Variants in PTK2B observed in about 807,000 individuals in gnomAD.
PTK2B encodes the protein protein tyrosine kinase 2 beta, also known as protein-tyrosine kinase 2-beta.
PTK2B carries 71 observed loss-of-function variants against 142.9 expected under a neutral mutation model. The observed-to-expected ratio is 0.50, with a 90% confidence interval of 0.41 to 0.61. The LOEUF (loss-of-function observed/expected upper bound fraction) is 0.61. PTK2B is among the 20% of genes least tolerant of loss of function. PTK2B has a pLI of 0.00. For missense variants in PTK2B, 1,105 were observed against 1,320.4 expected (o/e 0.84, Z 2.53); for synonymous variants, 519 against 503.4 (o/e 1.03, Z -0.42).
At chr8:27,371,747 CA>C (rs1353124032) in intron 1 of PTK2B, among the ~76,000 whole-genome samples, 1 of 152,128 alleles carries the variant, frequency 6.6e-6, no homozygotes, top group Admixed American at 6.5e-5. Context: ...AGGATTTCAC[CA>C]TGTTGGCCAG....
intron 13 of PTK2B, 59 bp downstream of exon 13, chr8:27,434,618 A>T: frequency 6.5e-7 from 1 of 1,539,214 alleles, no homozygotes; most frequent in Non-Finnish European, 8.8e-7. Context: ...CTTGCTCCCC[A>T]CTGCTTGCTC....
At chr8:27,451,717 T>C (rs1563303637) in intron 27 of PTK2B, 3 of 1,412,088 alleles carry the variant, frequency 2.1e-6, no homozygotes, top group Non-Finnish European at 2.8e-6. Context: ...CACCCTGCCC[T>C]TCTCTCTCTC....
intron 1 of PTK2B, among the ~76,000 whole-genome samples, chr8:27,391,167 G>A (rs1172431098): frequency 1.3e-5 from 2 of 151,472 alleles, no homozygotes; most frequent in Non-Finnish European, 2.9e-5. Flanking sequence ...TGCAATCTCG[G>A]CTCACTGCAA....
At chr8:27,310,717 G>A (rs1350312898), upstream of PTK2B, 2 of 1,429,540 alleles carry the variant, frequency 1.4e-6, no homozygotes, top group African/African-American at 1.4e-5. Context: ...GGCTCTGGCA[G>A]GCAGGAGGGG....
chr8:27,397,851 AGC>A (rs1808159026), intron 2 of PTK2B, 63 bp downstream of exon 2: 1 of 1,547,842 alleles, frequency 6.5e-7, no homozygotes, highest in Non-Finnish European at 8.9e-7. Context: ...TGGGCAGCTG[AGC>A]AGCTCTCCTG....
chr8:27,415,107 C>T (rs1403898022), intron 2 of PTK2B, among the ~76,000 whole-genome samples: 1 of 152,118 alleles, frequency 6.6e-6, no homozygotes, highest in African/African-American at 2.4e-5. Context: ...TTAGTATTTA[C>T]CTTGGGCCAA....
intron 1 of PTK2B, among the ~76,000 whole-genome samples, chr8:27,344,700 A>G (rs1804612115): frequency 6.6e-6 from 1 of 152,112 alleles, no homozygotes; most frequent in Non-Finnish European, 1.5e-5. Flanking sequence ...TGGTCTGTCT[A>G]CACCAGGTGT....
chr8:27,389,678 AC>A (rs1807591591), intron 1 of PTK2B, among the ~76,000 whole-genome samples: 1 of 152,214 alleles, frequency 6.6e-6, no homozygotes, highest in South Asian at 2.1e-4. Flanking sequence ...GTTTTGTATT[AC>A]ATTCAATTAT....
intron 1 of PTK2B, among the ~76,000 whole-genome samples, chr8:27,359,790 T>C (rs946375069): frequency 5.3e-5 from 8 of 152,288 alleles, no homozygotes; most frequent in Non-Finnish European, 1.2e-4. Flanking sequence ...GAGGTCAAGC[T>C]TCTTCATGCC....
In PTK2B at chr8:27,450,868, G is replaced by A. The variant is rs1312326455; in HGVS notation, c.2460G>A (p.Gln820=). The A allele has an allele frequency of 6.2e-7, 1 of 1,614,220 alleles. No individual in the cohort carries two copies. The highest frequency in any genetic ancestry group is 1.1e-5 in the South Asian group (1 of 91,082). Residue 820 remains glutamine (Q), a synonymous_variant, in exon 25 of 31, where the codon CAG becomes CAA. Transcript: ENST00000346049. The part of the protein sequence containing the change: ...KQQKQMVEDY[Q]WLRQEEKSLD... ...AGAAGCAGATGGTGGAGGACTACCAGTGGCTCAGGCAGGAGGAGAAGTCCC... is the reference window on the plus strand; with the variant it reads ...AGAAGCAGATGGTGGAGGACTACCAATGGCTCAGGCAGGAGGAGAAGTCCC...
At chr8:27,370,261 C>A (rs1806270782) in intron 1 of PTK2B, among the ~76,000 whole-genome samples, 1 of 152,134 alleles carries the variant, frequency 6.6e-6, no homozygotes, top group Admixed American at 6.6e-5. Context: ...TGTGCACTAC[C>A]CAGTGGATTT....
rs1810393736 is a variant in PTK2B at position 27,431,155 on chromosome 8, G to C, written c.810+139G>C. On this transcript the variant is annotated intron_variant, in intron 8 of 30. Coordinates refer to ENST00000346049, the MANE Select transcript of PTK2B (RefSeq NM_173176.3). ...GCAGGACCTCGCTGACCTGCCGTCG[G>C]TGGAAGTCAAAAGCATCCCCTTGCC... 4.0e-6 allele frequency: 6 copies of C among 1,483,772 alleles called. 1 individual carries two copies. The highest frequency in any genetic ancestry group is 1.4e-5 in the African/African-American group (1 of 71,430). 91.9% of individuals were successfully genotyped at this position (1,483,772 alleles called of 1,614,324 possible).
At chr8:27,432,556 C>T (rs1457028499) in intron 10 of PTK2B, among the ~76,000 whole-genome samples, 195 bp downstream of exon 10, 3 of 152,070 alleles carry the variant, frequency 2.0e-5, no homozygotes, top group Middle Eastern at 3.4e-3. Context: ...TAGGAAAATT[C>T]GGGAAACAAT....
chr8:27,436,158 G>A, intron 14 of PTK2B, 93 bp from the exon 15 acceptor site: 2 of 1,203,326 alleles, frequency 1.7e-6, no homozygotes, highest in Non-Finnish European at 2.4e-6. Context: ...TATAGATCTG[G>A]TGACGCCTGG....
chr8:27,319,192 C>G (rs371806982), intron 3 of PTK2B, among the ~76,000 whole-genome samples: 2 of 151,954 alleles, frequency 1.3e-5, no homozygotes, highest in East Asian at 3.9e-4. Context: ...TTAGAGAGAA[C>G]AGTATAATTA....
chr8:27,351,546 A>G (rs1249175733), intron 1 of PTK2B, among the ~76,000 whole-genome samples: 1 of 152,166 alleles, frequency 6.6e-6, no homozygotes, highest in Non-Finnish European at 1.5e-5. Flanking sequence ...GTCCTAATGG[A>G]TTCCATCTGA....
chr8:27,450,787 C>T lies in PTK2B; in HGVS notation c.2379C>T (p.Ala793=). The stretch of plus-strand genomic sequence containing the variant: ...TCCAACCCAGCAGCCGAGAAGAGGC[C>T]CAGCAGCTGTGGGAGGCTGAAAAGG... ...DFIQPSSREE[A]QQLWEAEKVK... is the part of the protein sequence containing the mutation. Residue 793 remains alanine, a synonymous_variant, in exon 25 of 31, where the codon GCC becomes GCT. Transcript: ENST00000346049. 1 of 1,614,156 alleles carries T rather than the reference C, an allele frequency of 6.2e-7. No homozygotes were observed. Among genetic ancestry groups the T allele is most frequent in the Non-Finnish European group, 8.5e-7 (1 of 1,180,026 alleles).
At chr8:27,449,766 A>G (rs1811691137) in intron 24 of PTK2B, among the ~76,000 whole-genome samples, 1 of 152,250 alleles carries the variant, frequency 6.6e-6, no homozygotes, top group Non-Finnish European at 1.5e-5. Context: ...GTGGGGGAAG[A>G]CTGAATGAAA....
chr8:27,431,489 C>T lies in PTK2B; in HGVS notation c.885+17C>T. The T allele has an allele frequency of 6.2e-7, 1 of 1,613,214 alleles. No individual in the cohort carries two copies. Among genetic ancestry groups the T allele is most frequent in the Non-Finnish European group, 8.5e-7 (1 of 1,179,726 alleles). On this transcript the variant is annotated intron_variant, in intron 9 of 30. Transcript: ENST00000346049. ...GACGCAAAGGTAGAGAGACCCGGGG[C>T]AGCCCCACCCAGCCCCAGGCGGGGA...
Sources: gnomAD v4.1 joint callset for allele counts (sites outside exome capture counted in the v4.1 genomes callset) on GRCh38, gnomAD v4.1.1 for gene constraint, MANE v1.5 for transcripts, NCBI Gene and HGNC (gene_info 2026-07-23, HGNC 2026-07-21) for gene names.